AGBL1: variants seen among roughly 807,000 people sequenced by gnomAD.
The protein encoded by AGBL1 is AGBL carboxypeptidase 1, also known as cytosolic carboxypeptidase 4.
In AGBL1, 130 loss-of-function variants were observed where a neutral mutation model predicts 118.9. The observed-to-expected ratio is 1.09, with a 90% CI of 0.95 to 1.26. AGBL1 has a LOEUF of 1.26. Ranked by LOEUF, AGBL1 falls within the 50% of genes most tolerant of loss-of-function variation. The pLI is 0.00. For synonymous variants in AGBL1, 555 were observed against 478.9 expected, an observed-to-expected ratio of 1.16 and a Z score of -2.08; for missense variants, 1,584 against 1,298.1, an observed-to-expected ratio of 1.22 and a Z score of -3.38.
At position 86,236,272 on chromosome 15, in the gene AGBL1, G is replaced by A. The variant is rs547173387; in HGVS notation, c.526+11321G>A. On this transcript the variant is annotated intron_variant, in intron 6 of 22. Transcript: ENST00000614907. ...CACAGTATGGCAACCACTGCCCACA[G>A]ACCGTGAGGCACACAGAGCACTAGA... Among the ~76,000 whole-genome samples, 7 of 151,678 alleles carry A rather than the reference G, an allele frequency of 4.6e-5. No individual in the cohort carries two copies. In the East Asian group the frequency reaches 1.4e-3, roughly 29 times the overall value.
At chr15:86,435,725 G>A (rs1241715494) in intron 18 of AGBL1, among the ~76,000 whole-genome samples, 1 of 152,084 alleles carries the variant, frequency 6.6e-6, no homozygotes, top group East Asian at 1.9e-4. Flanking sequence ...CAGAAACCTC[G>A]GGTACATTTA....
rs537318537 is a variant in AGBL1, at chr15:86,276,128, A to G, written c.2076-3511A>G. ...ATATAAAAGTCATAGTATATGGATC[A>G]TTTTATTAGCTCTCATCTTGATTAT... On this transcript the variant is annotated intron_variant, in intron 15 of 22. Coordinates refer to ENST00000614907, the MANE Select transcript of AGBL1 (RefSeq NM_001386094.1). Among the ~76,000 whole-genome samples the G allele has an allele frequency of 2.6e-5, 4 of 152,342 alleles. No homozygotes were observed. The South Asian group carries it at 8.3e-4, about 32-fold the overall frequency.
At chr15:86,637,468 T>A (rs1401083057) in intron 21 of AGBL1, among the ~76,000 whole-genome samples, 1 of 152,066 alleles carries the variant, frequency 6.6e-6, no homozygotes, top group Non-Finnish European at 1.5e-5. Context: ...TGAGTGAGGG[T>A]GGCAGAAGAT....
At chr15:86,842,027 A>G (rs1309331957) in intron 22 of AGBL1, among the ~76,000 whole-genome samples, 1 of 151,948 alleles carries the variant, frequency 6.6e-6, no homozygotes, top group East Asian at 1.9e-4. Flanking sequence ...GACAAGGCAC[A>G]TTAAGGTGGA....
At chr15:86,777,192 G>A (rs951333448) in intron 22 of AGBL1, among the ~76,000 whole-genome samples, 1 of 152,036 alleles carries the variant, frequency 6.6e-6, no homozygotes, top group African/African-American at 2.4e-5. Flanking sequence ...TCATATACAT[G>A]AGGGGGTTGT....
chr15:86,748,414 T>C (rs890867956), intron 22 of AGBL1, among the ~76,000 whole-genome samples: 1 of 151,434 alleles, frequency 6.6e-6, no homozygotes, highest in Non-Finnish European at 1.5e-5. Flanking sequence ...GCAAAACTTT[T>C]CTCCCATTCT....
chr15:86,619,545 A>G (rs943206890), intron 21 of AGBL1, among the ~76,000 whole-genome samples: 1 of 152,218 alleles, frequency 6.6e-6, no homozygotes, highest in African/African-American at 2.4e-5. Flanking sequence ...AATCACACTT[A>G]GTGTCTTTCC....
chr15:86,629,378 A>G (rs569204705), intron 21 of AGBL1, among the ~76,000 whole-genome samples: 1 of 152,178 alleles, frequency 6.6e-6, no homozygotes, highest in Non-Finnish European at 1.5e-5. Context: ...ATAGCAGTTA[A>G]TTTTAGAGCT....
chr15:86,546,830 G>T (rs1398662423), intron 20 of AGBL1, among the ~76,000 whole-genome samples: 1 of 152,178 alleles, frequency 6.6e-6, no homozygotes, highest in Non-Finnish European at 1.5e-5. Flanking sequence ...GAATCAGGAA[G>T]AAGCAAAGTT....
Position 86,517,761 on chromosome 15 carries a change from C to T in AGBL1, c.2556-5049C>T, listed in dbSNP as rs1475481237. On this transcript the variant is annotated intron_variant, in intron 18 of 22. Transcript: ENST00000614907. Reference sequence around the variant, plus strand: ...CTGGTTGTTTTGAGCTTTAGAACAACTGTAGCTTTGAAATGAAGTTGTCTT... The same window carrying T: ...CTGGTTGTTTTGAGCTTTAGAACAATTGTAGCTTTGAAATGAAGTTGTCTT... Among the ~76,000 whole-genome samples, 5 of 152,184 alleles carry T rather than the reference C, an allele frequency of 3.3e-5. No homozygotes were observed. The South Asian group carries it at 6.2e-4, about 19-fold the overall frequency.
chr15:86,147,854 A>T (rs1296458546), intron 3 of AGBL1, among the ~76,000 whole-genome samples: 1 of 152,208 alleles, frequency 6.6e-6, no homozygotes, highest in Non-Finnish European at 1.5e-5. Context: ...ACCTCCCAGT[A>T]GGGGCCGACT....
chr15:86,769,176 G>GAGAGAGAAAGAGGGA (rs1555448306), intron 22 of AGBL1, among the ~76,000 whole-genome samples: 1 of 66,618 alleles, frequency 1.5e-5, no homozygotes, highest in Non-Finnish European at 2.6e-5. Context: ...ATTTTGAGAG[G>GAGAGAGAAAGAGGGA]GAGAGAGAGA....
In AGBL1 at chr15:86,433,271, T is replaced by C. The variant is rs1352477837; in HGVS notation, c.2555+35725T>C. 2.8e-3 allele frequency among the ~76,000 whole-genome samples: 260 copies of C among 93,302 alleles called. 4 individuals carry two copies. Among genetic ancestry groups the C allele is most frequent in the African/African-American group, 0.011 (238 of 22,424 alleles). The allele number at this position is 93,302 out of a possible 152,430, so 61.2% of individuals were successfully genotyped here. On this transcript the variant is annotated intron_variant, in intron 18 of 22. Transcript: ENST00000614907. ...TCCTCCTCCTCCTCCTTCTTCTTTT[T>C]TTTTTTTTTTTTTTTTTTTTTTGCC...
At chr15:86,163,544 G>A (rs529896472) in intron 5 of AGBL1, among the ~76,000 whole-genome samples, 6 of 152,118 alleles carry the variant, frequency 3.9e-5, no homozygotes, top group South Asian at 2.1e-4. Context: ...CCTGGCCAAC[G>A]TGATGAAACC....
chr15:86,778,271 G>A (rs2078286604), intron 22 of AGBL1, among the ~76,000 whole-genome samples: 1 of 152,222 alleles, frequency 6.6e-6, no homozygotes, highest in Non-Finnish European at 1.5e-5. Context: ...TGGGACTGGG[G>A]GCAAAATTAA....
chr15:86,166,955 C>T (rs2077350280), intron 5 of AGBL1, among the ~76,000 whole-genome samples: 1 of 152,112 alleles, frequency 6.6e-6, no homozygotes, highest in African/African-American at 2.4e-5. Flanking sequence ...ACAGCTCGTA[C>T]CTCCCTATAG....
chr15:86,812,008 A>G (rs1170628736), intron 22 of AGBL1, among the ~76,000 whole-genome samples: 1 of 152,210 alleles, frequency 6.6e-6, no homozygotes, highest in African/African-American at 2.4e-5. Context: ...TCAACATATA[A>G]GAACGCACTT....
At chr15:87,007,675 T>C (rs1206949094) in intron 24 of AGBL1, among the ~76,000 whole-genome samples, 2 of 152,246 alleles carry the variant, frequency 1.3e-5, no homozygotes, top group South Asian at 2.1e-4. Context: ...AACAAAAAGA[T>C]ATAAAATGTT....
At chr15:86,987,143 A>G (rs1159716998) in intron 23 of AGBL1, among the ~76,000 whole-genome samples, 1 of 152,156 alleles carries the variant, frequency 6.6e-6, no homozygotes, top group African/African-American at 2.4e-5. Flanking sequence ...GAAGGCAGGA[A>G]CAGACCATTT....
Sources: allele counts gnomAD v4.1 joint callset (sites outside exome capture counted in the v4.1 genomes callset), GRCh38; gene constraint gnomAD v4.1.1; transcripts MANE v1.5; gene names NCBI Gene and HGNC (gene_info 2026-07-23, HGNC 2026-07-21).